FGFR2: variants seen among roughly 807,000 people sequenced by gnomAD.
FGFR2 encodes the protein BEK fibroblast growth factor receptor.
A neutral mutation model predicts 95.9 loss-of-function variants in FGFR2; 19 were observed. The ratio of observed to expected loss-of-function variants is 0.20; its 90% CI spans 0.14 to 0.29. FGFR2 has a LOEUF of 0.29. Ranked by LOEUF, FGFR2 falls within the 10% of genes least tolerant of loss-of-function variation. The pLI, the probability that FGFR2 is intolerant of heterozygous loss-of-function variation, is 1.00. For missense variants in FGFR2, 707 were observed against 1,056.9 expected (o/e 0.67, Z 4.59); for synonymous variants, 392 against 393.3 (o/e 1.00, Z 0.04).
At position 121,485,361 on chromosome 10, in the gene FGFR2, C is replaced by T. The variant is rs951975500; in HGVS notation, c.2195+34G>A. On this transcript the variant is annotated intron_variant, in intron 16 of 17. Coordinates refer to ENST00000358487, the MANE Select transcript of FGFR2 (RefSeq NM_000141.5). The surrounding 1 kb of genome is among the most constrained non-coding windows in gnomAD (Gnocchi z 4.2). Reference sequence around the variant, plus strand: ...AGGTATTACTGGTGTGGCAAGTCCACTGGGGCACCGGCAGGAAAGACAACA... The same window carrying T: ...AGGTATTACTGGTGTGGCAAGTCCATTGGGGCACCGGCAGGAAAGACAACA... 5 of 1,614,008 alleles carry T rather than the reference C, an allele frequency of 3.1e-6. No homozygotes were observed. The highest frequency in any genetic ancestry group is 1.1e-5 in the South Asian group (1 of 91,064).
intron 1 of FGFR2, among the ~76,000 whole-genome samples, chr10:121,596,272 T>C (rs538144710): frequency 6.6e-6 from 1 of 152,298 alleles, no homozygotes; most frequent in South Asian, 2.1e-4. Context: ...GGCACAAGCC[T>C]GCCCCCAAAG....
At chr10:121,552,213 A>T (rs931435910) in intron 4 of FGFR2, among the ~76,000 whole-genome samples, 6 of 152,198 alleles carry the variant, frequency 3.9e-5, no homozygotes, top group African/African-American at 1.4e-4. Context: ...AATACAAGTG[A>T]TTTTTTAAAG....
chr10:121,521,364 G>GCTT (rs752364558), intron 6 of FGFR2, among the ~76,000 whole-genome samples: 1 of 152,164 alleles, frequency 6.6e-6, no homozygotes, highest in Non-Finnish European at 1.5e-5. Flanking sequence ...GCCTGGAAAG[G>GCTT]CTTCTCTCCA....
chr10:121,538,139 T>TCACCTTTTTCCAGC, intron 6 of FGFR2: 1 of 585,580 alleles, frequency 1.7e-6, no homozygotes, highest in South Asian at 2.1e-5. Flanking sequence ...CCCTCAACAT[T>TCACCTTTTTCCAGC]CACCTTTTTC....
chr10:121,491,922 T>TAATCCC (rs1846192358), intron 13 of FGFR2, among the ~76,000 whole-genome samples: 1 of 148,876 alleles, frequency 6.7e-6, no homozygotes, highest in Non-Finnish European at 1.5e-5. Context: ...CTCATGCCTG[T>TAATCCC]AATCCCAGCA....
intron 2 of FGFR2, among the ~76,000 whole-genome samples, chr10:121,579,660 A>C (rs1448994300): frequency 6.6e-6 from 1 of 152,190 alleles, no homozygotes; most frequent in African/African-American, 2.4e-5. Context: ...GGGCACAGTA[A>C]CACACCACAG....
intron 4 of FGFR2, among the ~76,000 whole-genome samples, chr10:121,551,763 G>A (rs1218395358): frequency 2.6e-5 from 4 of 151,734 alleles, no homozygotes; most frequent in Admixed American, 2.6e-4. Context: ...GTTTTAAAAT[G>A]CTATTTTATA....
At chr10:121,563,128 C>A (rs1307144751) in intron 4 of FGFR2, among the ~76,000 whole-genome samples, 1 of 152,170 alleles carries the variant, frequency 6.6e-6, no homozygotes, top group Non-Finnish European at 1.5e-5. Context: ...GTAGTCTCAG[C>A]ACTTTGGGAG....
chr10:121,517,542 T>C lies in FGFR2; in HGVS notation c.940-79A>G, dbSNP rs759591759. 43 of 1,574,308 alleles carry C rather than the reference T, an allele frequency of 2.7e-5. No homozygotes were observed. Among genetic ancestry groups the C allele is most frequent in the Non-Finnish European group, 3.4e-5 (39 of 1,148,586 alleles). On this transcript the variant is annotated intron_variant, in intron 7 of 17. Coordinates refer to ENST00000358487, the MANE Select transcript of FGFR2 (RefSeq NM_000141.5). This position sits in a 1 kb window ranked among gnomAD's most constrained non-coding sequence, Gnocchi z 4.7. ...GAGGGGGCTGTGGAACCACAAGGCG[T>C]CGCACCGGGGGCTTCAGGGGGTGCT...
At chr10:121,530,967 A>C (rs965509668) in intron 6 of FGFR2, among the ~76,000 whole-genome samples, 1 of 152,052 alleles carries the variant, frequency 6.6e-6, no homozygotes, top group African/African-American at 2.4e-5. Context: ...CTTACATAAA[A>C]CTGTAAGATA....
intron 1 of FGFR2, among the ~76,000 whole-genome samples, chr10:121,594,312 AC>A (rs1863129364): frequency 6.6e-6 from 1 of 152,206 alleles, no homozygotes; most frequent in African/African-American, 2.4e-5. Flanking sequence ...AAGCAACGTG[AC>A]CTTAGTTTCA....
At chr10:121,521,928 A>G (rs957635588) in intron 6 of FGFR2, among the ~76,000 whole-genome samples, 14 of 152,340 alleles carry the variant, frequency 9.2e-5, no homozygotes, top group African/African-American at 3.4e-4. Context: ...AATTTTTACA[A>G]TGTGGCTATA....
intron 13 of FGFR2, among the ~76,000 whole-genome samples, chr10:121,494,937 C>G (rs548458888): frequency 6.6e-6 from 1 of 152,288 alleles, no homozygotes; most frequent in East Asian, 1.9e-4. Flanking sequence ...TTTCTAAGAA[C>G]TGGCCACCCT....
intron 13 of FGFR2, among the ~76,000 whole-genome samples, chr10:121,493,931 G>A (rs549820995): frequency 6.6e-6 from 1 of 151,838 alleles, no homozygotes; most frequent in African/African-American, 2.4e-5. Context: ...AGTCACCCTT[G>A]ATCTCTCTTT....
chr10:121,542,024 C>G (rs891775737), intron 5 of FGFR2, among the ~76,000 whole-genome samples: 2 of 152,106 alleles, frequency 1.3e-5, no homozygotes, highest in Admixed American at 1.3e-4. Flanking sequence ...ATTAAGAATG[C>G]ATAGTTCATC....
chr10:121,517,264 A>G lies in FGFR2; in HGVS notation c.1084+55T>C, dbSNP rs766788335. On this transcript the variant is annotated intron_variant, in intron 8 of 17. Transcript: ENST00000358487. The surrounding 1 kb of genome is among the most constrained non-coding windows in gnomAD (Gnocchi z 4.7). ...TGATAACAGAAGCTGTGTTAATTTTATAGCAGTCAACCAAGAAAAGGGAAA... is the reference window on the plus strand; with the variant it reads ...TGATAACAGAAGCTGTGTTAATTTTGTAGCAGTCAACCAAGAAAAGGGAAA... The G allele has an allele frequency of 3.2e-6, 5 of 1,574,668 alleles. No homozygotes were observed. The African/African-American group carries it at 6.7e-5, about 21-fold the overall frequency.
intron 2 of FGFR2, chr10:121,583,432 A>C (rs1861262415): frequency 1.3e-5 from 2 of 152,268 alleles, no homozygotes; most frequent in African/African-American, 4.8e-5. Flanking sequence ...TCAACGGGCA[A>C]CAGAGGCCAG....
intron 12 of FGFR2, 47 bp downstream of exon 12, chr10:121,498,448 T>C (rs1219933975): frequency 8.1e-7 from 1 of 1,231,440 alleles, no homozygotes; most frequent in Admixed American, 1.7e-5. Flanking sequence ...AATGATTCAA[T>C]CAAACTGCAG....
intron 2 of FGFR2, among the ~76,000 whole-genome samples, chr10:121,569,287 C>A (rs1412741360): frequency 6.6e-6 from 1 of 150,698 alleles, no homozygotes; most frequent in Non-Finnish European, 1.5e-5. Context: ...GTGGCACGAT[C>A]TCGGCTCACC....
Sources: gnomAD v4.1 joint callset for allele counts (sites outside exome capture counted in the v4.1 genomes callset) on GRCh38, gnomAD v4.1.1 for gene constraint, Gnocchi (gnomAD v3.1) non-coding constraint, MANE v1.5 for transcripts, NCBI Gene and HGNC (gene_info 2026-07-23, HGNC 2026-07-21) for gene names.